CREBRF: variants seen among roughly 807,000 people sequenced by gnomAD.
CREBRF encodes the protein UPF0474 protein C5orf41.
Under a neutral mutation model 66.1 loss-of-function variants are expected in CREBRF, and 5 were observed. That is an observed-to-expected ratio of 0.08 (90% CI 0.04 to 0.16). CREBRF has a LOEUF of 0.16. CREBRF is among the 10% of genes least tolerant of loss of function. The pLI is 1.00. For missense variants in CREBRF, 531 were observed against 744.9 expected (o/e 0.71, Z 3.34); for synonymous variants, 229 against 264.4 (o/e 0.87, Z 1.30).
chr5:173,112,338 A>G lies in CREBRF; in HGVS notation c.1640A>G (p.Glu547Gly). The G allele has an allele frequency of 6.2e-7, 1 of 1,605,216 alleles. No individual in the cohort carries two copies. Among genetic ancestry groups the G allele is most frequent in the Non-Finnish European group, 8.5e-7 (1 of 1,175,298 alleles). The change falls in exon 7 of 9, where the codon GAA (glutamate) becomes GGA (glycine). Residue 547 changes from glutamate to glycine, a missense_variant. This residue lies in a region of CREBRF where 64 missense variants were observed against 111.3 expected (regional missense o/e 0.58). Transcript: ENST00000296953. The part of the protein sequence containing the change: ...ACRLKKKAQY[E>G]ANKVKLWGLN... ...CGGTTAAAGAAGAAAGCCCAGTATG[A>G]AGCTAATAAAGTGAAATTATGGGGC... is the stretch of plus-strand genomic sequence containing the variant.
chr5:173,085,606 A>G, intron 2 of CREBRF: 2 of 571,012 alleles, frequency 3.5e-6, no homozygotes, highest in Non-Finnish European at 6.3e-6. Flanking sequence ...TAGTAGAGAC[A>G]GGGCTTCACC....
chr5:173,082,014 T>TTTTTTTTTTTTTTTTTTTTTTTTG (rs1757966771), intron 2 of CREBRF, among the ~76,000 whole-genome samples: 13 of 113,858 alleles, frequency 1.1e-4, no homozygotes, highest in African/African-American at 1.9e-4. Context: ...TTTTTTTTTT[T>TTTTTTTTTTTTTTTTTTTTTTTTG]TTTTTTTTTT....
At chr5:173,086,848 C>A (rs906793309) in intron 3 of CREBRF, among the ~76,000 whole-genome samples, 22 of 152,050 alleles carry the variant, frequency 1.4e-4, no homozygotes, top group Admixed American at 2.0e-4. Context: ...GTGATCTTGG[C>A]TCACTGCAAT....
intron 4 of CREBRF, chr5:173,092,192 T>G: frequency 1.0e-6 from 1 of 958,632 alleles, no homozygotes; most frequent in Non-Finnish European, 1.2e-6. Flanking sequence ...TGATGATGGT[T>G]TATATTACTC....
chr5:173,121,177 A>G (rs1759130348), intron 7 of CREBRF, among the ~76,000 whole-genome samples: 1 of 152,058 alleles, frequency 6.6e-6, no homozygotes, highest in Admixed American at 6.6e-5. Flanking sequence ...ATTTTTCATG[A>G]TGGATCTACC....
intron 1 of CREBRF, among the ~76,000 whole-genome samples, chr5:173,063,274 C>T (rs896318407): frequency 2.0e-5 from 3 of 152,178 alleles, no homozygotes; most frequent in Non-Finnish European, 2.9e-5. Context: ...TCATCCTACA[C>T]TCTGTCCTTT....
chr5:173,099,679 T>C (rs901602693), intron 4 of CREBRF, among the ~76,000 whole-genome samples: 7 of 152,108 alleles, frequency 4.6e-5, no homozygotes, highest in Non-Finnish European at 8.8e-5. Flanking sequence ...GTGGTATGCT[T>C]TGATTCCTTT....
chr5:173,080,359 G>A (rs1163906015), intron 1 of CREBRF, among the ~76,000 whole-genome samples: 1 of 150,062 alleles, frequency 6.7e-6, no homozygotes, highest in Non-Finnish European at 1.5e-5. Flanking sequence ...GTTGCCAATT[G>A]GTTATTGACC....
At chr5:173,068,237 C>G (rs1757492659) in intron 1 of CREBRF, 1 of 359,256 alleles carries the variant, frequency 2.8e-6, no homozygotes, top group East Asian at 8.6e-5. Flanking sequence ...TCAGGTTACT[C>G]TATGTACTTC....
intron 4 of CREBRF, among the ~76,000 whole-genome samples, chr5:173,094,792 T>A (rs1290839148): frequency 6.6e-6 from 1 of 152,210 alleles, no homozygotes; most frequent in Non-Finnish European, 1.5e-5. Context: ...TGATGCAATC[T>A]CATTTGTTTT....
intron 7 of CREBRF, among the ~76,000 whole-genome samples, chr5:173,118,612 C>T (rs1235841120): frequency 6.6e-6 from 1 of 152,056 alleles, no homozygotes; most frequent in Non-Finnish European, 1.5e-5. Flanking sequence ...TTTCCCTTCC[C>T]CATTGAATTG....
chr5:173,083,158 G>A (rs1032575354), intron 2 of CREBRF, among the ~76,000 whole-genome samples: 1 of 151,776 alleles, frequency 6.6e-6, no homozygotes, highest in African/African-American at 2.4e-5. Context: ...AACACTGGAG[G>A]TGGAGGTTGC....
rs1554125245 is a variant in CREBRF at position 173,100,131 on chromosome 5, A to ATATATAAT, written c.1223-8492_1223-8491insATATAATT. 3.0e-3 allele frequency among the ~76,000 whole-genome samples: 128 copies of ATATATAAT among 42,856 alleles called. 1 individual carries two copies. Among genetic ancestry groups the ATATATAAT allele is most frequent in the Non-Finnish European group, 4.3e-3 (95 of 21,896 alleles). 28.1% of individuals were successfully genotyped at this position (42,856 alleles called of 152,430 possible). On this transcript the variant is annotated intron_variant, in intron 4 of 8. Coordinates refer to ENST00000296953, the MANE Select transcript of CREBRF (RefSeq NM_153607.3). ...GTGTGTGTGTGTGTATATATATATA[A>ATATATAAT]TTTTTTTTTTTTTTTTTTTTTTTTA...
rs1207660521 is a variant in CREBRF, at chr5:173,138,698, C to T, written c.*4953C>T. ...GCAGGACTGATTACTATGTCTTGCC[C>T]TTCGCCCTTTGTTTTTTTCAGAACC... On this transcript the variant is annotated 3_prime_UTR_variant, in exon 9 of 9. Coordinates refer to ENST00000296953, the MANE Select transcript of CREBRF (RefSeq NM_153607.3). 2 of 152,102 alleles carry T rather than the reference C, an allele frequency of 1.3e-5. No homozygotes were observed. Among genetic ancestry groups the T allele is most frequent in the African/African-American group, 4.8e-5 (2 of 41,414 alleles). The allele number at this position is 152,102 out of a possible 1,614,324, so 9.4% of individuals were successfully genotyped here.
intron 6 of CREBRF, among the ~76,000 whole-genome samples, chr5:173,111,455 T>C (rs781343265): frequency 6.6e-6 from 1 of 152,176 alleles, no homozygotes; most frequent in African/African-American, 2.4e-5. Context: ...TTTGTAGAGA[T>C]GGGGTTTCAC....
chr5:173,129,562 A>G (rs1759360561), intron 8 of CREBRF, among the ~76,000 whole-genome samples: 1 of 151,950 alleles, frequency 6.6e-6, no homozygotes, highest in Non-Finnish European at 1.5e-5. Flanking sequence ...TTTCTAGAAA[A>G]AAAATACAAA....
chr5:173,069,996 G>A (rs568111173), intron 1 of CREBRF, among the ~76,000 whole-genome samples: 47 of 151,794 alleles, frequency 3.1e-4, no homozygotes, highest in Middle Eastern at 6.8e-3. Flanking sequence ...CCGAGTTCAA[G>A]CGATTCTCAT....
chr5:173,085,842 G>A (rs538786978), intron 2 of CREBRF: 1 of 789,466 alleles, frequency 1.3e-6, no homozygotes, highest in South Asian at 1.3e-5. Flanking sequence ...TTCTTGGCAA[G>A]TTTCTCAATA....
chr5:173,061,585 C>G (rs948801922), intron 1 of CREBRF, among the ~76,000 whole-genome samples: 1 of 152,184 alleles, frequency 6.6e-6, no homozygotes, highest in East Asian at 1.9e-4. Flanking sequence ...GCATATAATC[C>G]TTAACAAAGC....
Sources: gnomAD v4.1 joint callset for allele counts (sites outside exome capture counted in the v4.1 genomes callset) on GRCh38, gnomAD v4.1.1 for gene constraint, gnomAD v4.1.1 regional missense constraint, MANE v1.5 for transcripts, NCBI Gene and HGNC (gene_info 2026-07-23, HGNC 2026-07-21) for gene names.